Variants in DSE observed in about 807,000 individuals in gnomAD.
DSE encodes the protein dermatan sulfate epimerase, also known as dermatan-sulfate epimerase.
Under a neutral mutation model 84.4 loss-of-function variants are expected in DSE, and 36 were observed. The ratio of observed to expected loss-of-function variants is 0.43; its 90% CI spans 0.33 to 0.56. DSE has a LOEUF of 0.56. Ranked by LOEUF, DSE falls within the 20% of genes least tolerant of loss-of-function variation. DSE has a pLI of 0.06. For missense variants in DSE, 862 were observed against 1,169.6 expected (o/e 0.74, Z 3.84); for synonymous variants, 410 against 430.1 (o/e 0.95, Z 0.58).
chr6:116,371,199 C>T, intron 1 of DSE, 78 bp downstream of exon 1: 2 of 985,224 alleles, frequency 2.0e-6, no homozygotes, highest in African/African-American at 1.7e-5. Context: ...GGGTAGCCTT[C>T]GGGGCTGTCC....
Position 116,363,353 on chromosome 6 carries a change from C to CAT in DSE, c.-53-35837_-53-35836dup, listed in dbSNP as rs1419799824. Among the ~76,000 whole-genome samples the CAT allele has an allele frequency of 4.8e-5, 7 of 146,332 alleles. No individual in the cohort carries two copies. In the East Asian group the frequency reaches 1.2e-3, roughly 24 times the overall value. On this transcript the variant is annotated intron_variant, in intron 2 of 3. Transcript: ENST00000430252. ...TCAGAAAGTGAGATTTTAAAATATACATATATATACACATGTGTGTGCTTT... is the reference window on the plus strand; with the variant it reads ...TCAGAAAGTGAGATTTTAAAATATACATATATATATACACATGTGTGTGCTTT...
intron 2 of DSE, among the ~76,000 whole-genome samples, chr6:116,340,987 C>G (rs548954715): frequency 4.6e-5 from 7 of 152,142 alleles, no homozygotes; most frequent in Non-Finnish European, 1.0e-4. Flanking sequence ...GATTTATAAT[C>G]CTTTGCATAT....
At chr6:116,403,552 A>T (rs1763237460) in intron 2 of DSE, among the ~76,000 whole-genome samples, 1 of 152,144 alleles carries the variant, frequency 6.6e-6, no homozygotes, top group Non-Finnish European at 1.5e-5. Flanking sequence ...GAAAGAAAAG[A>T]GGGGGGAAAG....
chr6:116,419,371 T>C (rs1046920832), intron 2 of DSE, among the ~76,000 whole-genome samples: 12 of 152,224 alleles, frequency 7.9e-5, no homozygotes, highest in Non-Finnish European at 4.4e-5. Context: ...ATTAGTCATG[T>C]TTTTAAAAGG....
upstream of DSE, among the ~76,000 whole-genome samples, chr6:116,365,806 A>G (rs926267044): frequency 6.6e-5 from 10 of 152,360 alleles, no homozygotes; most frequent in African/African-American, 2.4e-4. Context: ...ATTATAGAAT[A>G]CTGCCACGAC....
At chr6:116,330,133 T>G (rs1776852558) in intron 2 of DSE, among the ~76,000 whole-genome samples, 1 of 152,186 alleles carries the variant, frequency 6.6e-6, no homozygotes, top group Admixed American at 6.5e-5. Flanking sequence ...CCCATACTAA[T>G]GTACTTAAAA....
At chr6:116,406,441 TA>T (rs1781934188) in intron 2 of DSE, among the ~76,000 whole-genome samples, 1 of 152,272 alleles carries the variant, frequency 6.6e-6, no homozygotes, top group South Asian at 2.1e-4. Context: ...CTCATTATCA[TA>T]AGGGAAAATG....
chr6:116,331,238 C>G (rs1776916705), intron 2 of DSE, among the ~76,000 whole-genome samples: 1 of 152,066 alleles, frequency 6.6e-6, no homozygotes, highest in Admixed American at 6.5e-5. Context: ...CATTCTCTTG[C>G]TGCTATGATG....
At position 116,430,668 on chromosome 6, in the gene DSE, A is replaced by G. The variant is rs112076286; in HGVS notation, c.671-286A>G. 0.011 allele frequency among the ~76,000 whole-genome samples: 1,676 copies of G among 152,254 alleles called. 32 individuals carry two copies. The highest frequency in any genetic ancestry group is 0.038 in the African/African-American group (1,595 of 41,522). On this transcript the variant is annotated intron_variant, in intron 3 of 5. Coordinates refer to ENST00000644252, the MANE Select transcript of DSE (RefSeq NM_013352.4). ...ACCATTCTCCTTCCTCAGCCCCCCA[A>G]GTAGCTGGGACTACAGGCATCTGCC...
At chr6:116,279,001 C>T (rs1464488475) in intron 2 of DSE, 2 of 1,614,092 alleles carry the variant, frequency 1.2e-6, no homozygotes, top group East Asian at 2.2e-5. Flanking sequence ...CATCCAGAAG[C>T]CCGGGATATT....
At chr6:116,386,730 G>T (rs1780598647) in intron 1 of DSE, among the ~76,000 whole-genome samples, 2 of 152,302 alleles carry the variant, frequency 1.3e-5, no homozygotes, top group Non-Finnish European at 1.5e-5. Context: ...GGCCTCGAGT[G>T]TATAAAAACC....
chr6:116,278,835 T>G (rs1481669974), intron 2 of DSE: 7 of 1,614,064 alleles, frequency 4.3e-6, no homozygotes, highest in African/African-American at 1.3e-5. Context: ...TCAGCTTGTT[T>G]CTGAAGTAGG....
Position 116,327,965 on chromosome 6 carries a change from T to C in DSE, c.-54+68998T>C, listed in dbSNP as rs1284014784. On this transcript the variant is annotated intron_variant, in intron 2 of 3. Coordinates refer to the DSE transcript ENST00000430252. Reference sequence around the variant, plus strand: ...CCGCCACAGAGGCCAGAGGAGCACATCAAAGCCAAAAGCACAGCAAGTCAT... The same window carrying C: ...CCGCCACAGAGGCCAGAGGAGCACACCAAAGCCAAAAGCACAGCAAGTCAT... 1.3e-5 allele frequency among the ~76,000 whole-genome samples: 2 copies of C among 152,184 alleles called. 1 individual carries two copies. Among genetic ancestry groups the C allele is most frequent in the Admixed American group, 1.3e-4 (2 of 15,284 alleles).
chr6:116,265,384 C>G (rs1161061981), intron 2 of DSE, among the ~76,000 whole-genome samples: 5 of 152,098 alleles, frequency 3.3e-5, no homozygotes, highest in Non-Finnish European at 2.9e-5. Context: ...CTGGCTGGCT[C>G]TGTGCCCACC....
chr6:116,272,165 T>C (rs73767707), intron 2 of DSE, among the ~76,000 whole-genome samples: 1,921 of 152,348 alleles, frequency 0.013, 46 homozygotes, highest in African/African-American at 0.044. Context: ...TGAGTGGTGT[T>C]CCATTGTATG....
rs977213815 is a variant in DSE at position 116,442,513 on chromosome 6, G to A, written c.*5168G>A. Reference sequence around the variant, plus strand: ...AAGGTTAAACAGAAATTTACTAGCTGTGTGAGAGGAGAAGTGCATTCTGGG... The same window carrying A: ...AAGGTTAAACAGAAATTTACTAGCTATGTGAGAGGAGAAGTGCATTCTGGG... On this transcript the variant is annotated 3_prime_UTR_variant, in exon 6 of 6. Transcript: ENST00000644252. The A allele has an allele frequency of 6.6e-6, 1 of 152,178 alleles. No individual in the cohort carries two copies. Among genetic ancestry groups the A allele is most frequent in the Non-Finnish European group, 1.5e-5 (1 of 68,038 alleles). 9.4% of individuals were successfully genotyped at this position (152,178 alleles called of 1,614,324 possible).
At chr6:116,326,905 A>T (rs1189192382) in intron 2 of DSE, among the ~76,000 whole-genome samples, 1 of 150,168 alleles carries the variant, frequency 6.7e-6, no homozygotes, top group African/African-American at 2.4e-5. Context: ...TAAAAATATA[A>T]CTGTAAGTAG....
intron 2 of DSE, among the ~76,000 whole-genome samples, chr6:116,402,362 A>G (rs1165381063): frequency 6.6e-6 from 1 of 152,152 alleles, no homozygotes; most frequent in Non-Finnish European, 1.5e-5. Flanking sequence ...CTCTTCAGCT[A>G]TGTTAATTTT....
intron 2 of DSE, among the ~76,000 whole-genome samples, chr6:116,285,394 A>C (rs1303066226): frequency 6.6e-6 from 1 of 152,048 alleles, no homozygotes; most frequent in Non-Finnish European, 1.5e-5. Flanking sequence ...AAATTTGTTT[A>C]AGTTCTTTGT....
Sources: gnomAD v4.1 joint callset for allele counts (sites outside exome capture counted in the v4.1 genomes callset) on GRCh38, gnomAD v4.1.1 for gene constraint, MANE v1.5 for transcripts, NCBI Gene and HGNC (gene_info 2026-07-23, HGNC 2026-07-21) for gene names.